OR51B5: variants seen among roughly 807,000 people sequenced by gnomAD.
OR51B5 encodes olfactory receptor 51B5.
For missense variants in OR51B5, 456 were observed against 374.6 expected, an observed-to-expected ratio of 1.22 and a Z score of -1.79; for synonymous variants, 186 against 144.8, an observed-to-expected ratio of 1.28 and a Z score of -2.04.
Position 5,389,606 on chromosome 11 carries a change from C to T in OR51B5, n.85-42696G>A, listed in dbSNP as rs746046064. 1.9e-6 allele frequency: 3 copies of T among 1,613,866 alleles called. No individual in the cohort carries two copies. The Middle Eastern group carries it at 4.9e-4, about 266-fold the overall frequency. ...TAAGACCAACCCTCGTCTGCACACA[C>T]CCATGTACTATCTACTATCCTTGCT... On this transcript the variant is annotated intron_variant and non_coding_transcript_variant, in intron 1 of 4. Coordinates refer to the OR51B5 transcript ENST00000415970.
At chr11:5,351,217 T>C (rs1048642054) in intron 1 of OR51B5, among the ~76,000 whole-genome samples, 6 of 152,230 alleles carry the variant, frequency 3.9e-5, no homozygotes, top group African/African-American at 1.4e-4. Flanking sequence ...TTCTGGGTTA[T>C]ATGATTTACA....
intron 1 of OR51B5, among the ~76,000 whole-genome samples, chr11:5,466,106 T>G (rs1002360478): frequency 4.6e-5 from 7 of 152,154 alleles, no homozygotes; most frequent in Admixed American, 2.6e-4. Flanking sequence ...TCAAACAAAT[T>G]TACAAAAACA....
At chr11:5,462,325 A>G (rs1189464595) in intron 1 of OR51B5, among the ~76,000 whole-genome samples, 1 of 152,148 alleles carries the variant, frequency 6.6e-6, no homozygotes, top group Non-Finnish European at 1.5e-5. Flanking sequence ...ATACAAATCC[A>G]TGTTGCTCAG....
chr11:5,355,976 T>C (rs1312519245), intron 1 of OR51B5, among the ~76,000 whole-genome samples: 1 of 151,906 alleles, frequency 6.6e-6, no homozygotes, highest in Non-Finnish European at 1.5e-5. Flanking sequence ...AACCCATCTG[T>C]ACGTCACCAT....
intron 1 of OR51B5, among the ~76,000 whole-genome samples, chr11:5,429,967 G>A (rs1353735): frequency 0.18 from 28,090 of 151,954 alleles, 3,151 homozygotes; most frequent in East Asian, 0.42. Context: ...TCAGAGTGTC[G>A]GTACATAAAT....
At chr11:5,385,755 A>G (rs1174872073) in intron 1 of OR51B5, among the ~76,000 whole-genome samples, 1 of 149,296 alleles carries the variant, frequency 6.7e-6, no homozygotes, top group Non-Finnish European at 1.5e-5. Context: ...ATTTGTTTAC[A>G]TATATAAATA....
At chr11:5,379,299 T>TA (rs1283405186) in intron 1 of OR51B5, among the ~76,000 whole-genome samples, 6 of 151,802 alleles carry the variant, frequency 4.0e-5, no homozygotes, top group Admixed American at 3.9e-4. Context: ...CATCACACTC[T>TA]GGGGACTGTT....
At chr11:5,395,850 T>C (rs1013536727) in intron 1 of OR51B5, among the ~76,000 whole-genome samples, 1 of 152,210 alleles carries the variant, frequency 6.6e-6, no homozygotes, top group Admixed American at 6.5e-5. Flanking sequence ...TCAGATTATT[T>C]TTCAATCTTT....
intron 1 of OR51B5, among the ~76,000 whole-genome samples, chr11:5,375,845 C>T (rs1392291033): frequency 6.6e-6 from 1 of 152,076 alleles, no homozygotes; most frequent in Non-Finnish European, 1.5e-5. Flanking sequence ...GACTTAGACT[C>T]CCACACTTTA....
chr11:5,418,877 T>TAAAAA (rs10636129), intron 1 of OR51B5, among the ~76,000 whole-genome samples: 52,573 of 133,122 alleles, frequency 0.39, 11,922 homozygotes, highest in Non-Finnish European at 0.5. Flanking sequence ...TGAAGTATTA[T>TAAAAA]AAAAAAAAAA....
At chr11:5,341,898 CATTTATCCGTGATTCCTCTT>C (rs1419480013), downstream of OR51B5, among the ~76,000 whole-genome samples, 2 of 152,164 alleles carry the variant, frequency 1.3e-5, no homozygotes, top group Non-Finnish European at 2.9e-5. Flanking sequence ...TACGTCCTCT[CATTTATCCGTGATTCCTCTT>C]CTCACATTTT....
chr11:5,477,816 C>T (rs565147644), intron 1 of OR51B5, among the ~76,000 whole-genome samples: 12 of 152,310 alleles, frequency 7.9e-5, no homozygotes, highest in East Asian at 3.9e-4. Context: ...GCTTAAAAAA[C>T]GGCGCACCAT....
intron 1 of OR51B5, among the ~76,000 whole-genome samples, chr11:5,500,796 T>C (rs1423302178): frequency 6.8e-6 from 1 of 148,142 alleles, no homozygotes; most frequent in Non-Finnish European, 1.5e-5. Flanking sequence ...CTTCTCCTTT[T>C]TGCCTTTAAA....
At chr11:5,370,088 T>C (rs1337674554) in intron 1 of OR51B5, among the ~76,000 whole-genome samples, 1 of 152,150 alleles carries the variant, frequency 6.6e-6, no homozygotes, top group Non-Finnish European at 1.5e-5. Flanking sequence ...TTGTACAGCA[T>C]GTGCAAGCTG....
In OR51B5 at chr11:5,357,996, G is replaced by A. The variant is rs368708577; in HGVS notation, n.85-11086C>T. On this transcript the variant is annotated intron_variant and non_coding_transcript_variant, in intron 1 of 4. Transcript: ENST00000415970. ...CTCTGGGACACATTCAAAGCAGTGT[G>A]TAGAGGGAAATTTATAGCACTAAAC... Among the ~76,000 whole-genome samples the A allele has an allele frequency of 4.9e-4, 75 of 152,194 alleles. 1 individual carries two copies. The East Asian group carries it at 7.3e-3, about 15-fold the overall frequency.
intron 1 of OR51B5, among the ~76,000 whole-genome samples, chr11:5,379,731 C>G (rs2133716708): frequency 6.6e-6 from 1 of 152,014 alleles, no homozygotes; most frequent in Admixed American, 6.6e-5. Context: ...TCAATAATTC[C>G]TCAAAAAACG....
chr11:5,418,267 AG>A (rs1041871027), intron 1 of OR51B5, among the ~76,000 whole-genome samples: 14 of 151,884 alleles, frequency 9.2e-5, no homozygotes, highest in Non-Finnish European at 1.6e-4. Context: ...GGGTGCGGGG[AG>A]GGGGTAGGGA....
upstream of OR51B5, among the ~76,000 whole-genome samples, chr11:5,344,901 T>C (rs1386600516): frequency 1.3e-5 from 2 of 152,190 alleles, no homozygotes; most frequent in South Asian, 2.1e-4. Flanking sequence ...CAAGATAGTA[T>C]AGCAGTTTGA....
chr11:5,442,392 A>C (rs1850703252), intron 1 of OR51B5, among the ~76,000 whole-genome samples: 2 of 152,154 alleles, frequency 1.3e-5, no homozygotes, highest in African/African-American at 4.8e-5. Flanking sequence ...TCCTTCTCCA[A>C]GGACAGGCTC....
Sources: gnomAD v4.1 joint callset for allele counts (sites outside exome capture counted in the v4.1 genomes callset) on GRCh38, gnomAD v4.1.1 for gene constraint, MANE v1.5 for transcripts, NCBI Gene and HGNC (gene_info 2026-07-23, HGNC 2026-07-21) for gene names.